Variants in AK9 observed in about 807,000 individuals in gnomAD.
The protein encoded by AK9 is adenylate kinase 9.
A neutral mutation model predicts 239.6 loss-of-function variants in AK9; 191 were observed. The observed-to-expected ratio is 0.80, with a 90% CI of 0.71 to 0.90. AK9 has a LOEUF of 0.90. Ranked by LOEUF, AK9 falls within the 40% of genes least tolerant of loss-of-function variation. The pLI is 0.00. For missense variants in AK9, 1,995 were observed against 2,214.7 expected, an observed-to-expected ratio of 0.90 and a Z score of 1.99; for synonymous variants, 689 against 721.0, an observed-to-expected ratio of 0.96 and a Z score of 0.71.
intron 5 of AK9, among the ~76,000 whole-genome samples, chr6:109,669,508 T>C (rs894298350): frequency 6.6e-6 from 1 of 152,208 alleles, no homozygotes; most frequent in Admixed American, 6.5e-5. Context: ...CCATTCAGTA[T>C]GATATTGGCT....
At chr6:109,653,387 C>T (rs1028189267) in intron 8 of AK9, among the ~76,000 whole-genome samples, 4 of 152,150 alleles carry the variant, frequency 2.6e-5, no homozygotes, top group African/African-American at 9.7e-5. Context: ...AGTTAAAAAA[C>T]GGAATCAGTT....
rs112987158 is a variant in AK9, at chr6:109,546,188, T to C, written c.2965-61A>G. The C allele has an allele frequency of 8.2e-3, 11,875 of 1,457,044 alleles. 53 individuals are homozygous for C. Among genetic ancestry groups the C allele is most frequent in the Non-Finnish European group, 9.6e-3 (10,385 of 1,084,598 alleles). The allele number at this position is 1,457,044 out of a possible 1,614,324, so 90.3% of individuals were successfully genotyped here. ...AAGGGAGAGTGAAGGAAAAGCAGTTTTGAGTAATTTAGAACACATAAGACT... is the reference window on the plus strand; with the variant it reads ...AAGGGAGAGTGAAGGAAAAGCAGTTCTGAGTAATTTAGAACACATAAGACT... On this transcript the variant is annotated intron_variant, in intron 25 of 40. Transcript: ENST00000424296.
At chr6:109,649,850 G>A (rs1166614959) in intron 8 of AK9, among the ~76,000 whole-genome samples, 2 of 152,322 alleles carry the variant, frequency 1.3e-5, no homozygotes, top group African/African-American at 2.4e-5. Context: ...CAAGGCTACA[G>A]TAACCAAAAC....
At chr6:109,511,038 G>T (rs1778681854) in intron 32 of AK9, among the ~76,000 whole-genome samples, 1 of 150,402 alleles carries the variant, frequency 6.6e-6, no homozygotes. Flanking sequence ...TGATAGATCT[G>T]GTTAATGAAC....
chr6:109,538,982 T>C (rs1468212714), intron 27 of AK9, among the ~76,000 whole-genome samples: 1 of 152,222 alleles, frequency 6.6e-6, no homozygotes, highest in East Asian at 1.9e-4. Flanking sequence ...CCGCTGTTAG[T>C]CTGGTGGGCT....
At chr6:109,565,024 A>G (rs915599012) in intron 21 of AK9, among the ~76,000 whole-genome samples, 179 bp from the exon 22 acceptor site, 19 of 152,354 alleles carry the variant, frequency 1.2e-4, no homozygotes, top group African/African-American at 4.6e-4. Context: ...AAGGCAGAAA[A>G]TAAAGAATAT....
intron 12 of AK9, among the ~76,000 whole-genome samples, chr6:109,622,157 TA>T (rs1389850182): frequency 6.8e-6 from 1 of 146,230 alleles, no homozygotes; most frequent in Non-Finnish European, 1.5e-5. Context: ...CATTATATAA[TA>T]TACATTTTTA....
chr6:109,513,475 C>T lies in AK9; in HGVS notation c.4279+749G>A, dbSNP rs532853250. Among the ~76,000 whole-genome samples, 9 of 152,250 alleles carry T rather than the reference C, an allele frequency of 5.9e-5. No homozygotes were observed. The East Asian group carries it at 7.7e-4, about 13-fold the overall frequency. ...TTTGAAAATTTCCTATAATTTTTGTCTAAAACAATTTGATTCTGGGCCATT... is the reference window on the plus strand; with the variant it reads ...TTTGAAAATTTCCTATAATTTTTGTTTAAAACAATTTGATTCTGGGCCATT... On this transcript the variant is annotated intron_variant, in intron 32 of 40. Coordinates refer to ENST00000424296, the MANE Select transcript of AK9 (RefSeq NM_001145128.3).
chr6:109,686,683 G>C (rs1773555973), intron 1 of AK9, among the ~76,000 whole-genome samples: 1 of 152,218 alleles, frequency 6.6e-6, no homozygotes, highest in Non-Finnish European at 1.5e-5. Context: ...TCTCTCTGTA[G>C]ATCCTTGCTG....
chr6:109,587,726 G>T (rs1440549416), intron 17 of AK9, among the ~76,000 whole-genome samples: 1 of 152,160 alleles, frequency 6.6e-6, no homozygotes, highest in Non-Finnish European at 1.5e-5. Context: ...CCGCGGCATT[G>T]TTATTGTTAA....
At chr6:109,679,729 C>G (rs1772342562) in intron 1 of AK9, among the ~76,000 whole-genome samples, 1 of 152,118 alleles carries the variant, frequency 6.6e-6, no homozygotes, top group Non-Finnish European at 1.5e-5. Flanking sequence ...TGGCAGGTGC[C>G]CCTCTGGGAC....
intron 17 of AK9, among the ~76,000 whole-genome samples, chr6:109,597,120 AT>A (rs1374687530): frequency 1.3e-5 from 2 of 152,058 alleles, no homozygotes; most frequent in Admixed American, 6.6e-5. Context: ...AATATTATAT[AT>A]TTCTTCAGAT....
At chr6:109,529,984 C>T (rs940535125) in intron 28 of AK9, among the ~76,000 whole-genome samples, 1 of 152,138 alleles carries the variant, frequency 6.6e-6, no homozygotes, top group East Asian at 1.9e-4. Context: ...GCCTAACAAA[C>T]CTAAAAATAC....
chr6:109,672,565 A>G (rs1304528164), intron 3 of AK9, among the ~76,000 whole-genome samples: 1 of 152,168 alleles, frequency 6.6e-6, no homozygotes, highest in Non-Finnish European at 1.5e-5. Context: ...GCATGCCTAT[A>G]GTCCCTGCTA....
At position 109,573,518 on chromosome 6, in the gene AK9, T is replaced by C; in HGVS notation, c.2268A>G (p.Ala756=). Residue 756 remains alanine (A), a synonymous_variant, in exon 21 of 41, where the codon GCA becomes GCG. Transcript: ENST00000424296. Reference sequence around the variant, plus strand: ...ACCATGACCCTCGGGTATCGTGAGATGCCTCAGGCTCTTCGTGAACTTCCA... The same window carrying C: ...ACCATGACCCTCGGGTATCGTGAGACGCCTCAGGCTCTTCGTGAACTTCCA... ...DELEVHEEPE[A]SHDTRGSWLP... 1 of 1,551,372 alleles carries C rather than the reference T, an allele frequency of 6.4e-7. No individual in the cohort carries two copies. Among genetic ancestry groups the C allele is most frequent in the South Asian group, 1.2e-5 (1 of 84,016 alleles).
chr6:109,638,025 G>A (rs146443521), intron 10 of AK9, among the ~76,000 whole-genome samples: 1 of 152,312 alleles, frequency 6.6e-6, no homozygotes, highest in East Asian at 1.9e-4. Context: ...TGGACTGCCA[G>A]GTAGAAATGC....
At chr6:109,511,881 A>C (rs1337632652) in intron 32 of AK9, among the ~76,000 whole-genome samples, 1 of 152,224 alleles carries the variant, frequency 6.6e-6, no homozygotes, top group Non-Finnish European at 1.5e-5. Context: ...GGTAATCTAC[A>C]TGTTCACCTT....
At chr6:109,660,824 G>A (rs1023275635) in intron 6 of AK9, 2 of 337,882 alleles carry the variant, frequency 5.9e-6, no homozygotes, top group African/African-American at 4.2e-5. Flanking sequence ...TTAGTTCTGG[G>A]GTAGGGCCTG....
intron 1 of AK9, 113 bp downstream of exon 1, chr6:109,691,034 A>C: frequency 3.7e-6 from 1 of 271,110 alleles, no homozygotes; most frequent in Non-Finnish European, 7.3e-6. Flanking sequence ...CCCTTTTCAA[A>C]AGAAGCTACC....
Sources: gnomAD v4.1 joint callset for allele counts (sites outside exome capture counted in the v4.1 genomes callset) on GRCh38, gnomAD v4.1.1 for gene constraint, MANE v1.5 for transcripts, NCBI Gene and HGNC (gene_info 2026-07-23, HGNC 2026-07-21) for gene names.